NTNG1: variants seen among roughly 807,000 people sequenced by gnomAD.
NTNG1 encodes netrin G1.
NTNG1 carries 16 observed loss-of-function variants against 54.0 expected under a neutral mutation model. The ratio of observed to expected loss-of-function variants is 0.30; its 90% CI spans 0.20 to 0.45. The LOEUF (loss-of-function observed/expected upper bound fraction) is 0.45. Ranked by LOEUF, NTNG1 falls within the 20% of genes least tolerant of loss-of-function variation. NTNG1 has a pLI of 1.00. For missense variants in NTNG1, 530 were observed against 678.7 expected, an observed-to-expected ratio of 0.78 and a Z score of 2.43; for synonymous variants, 255 against 263.1, an observed-to-expected ratio of 0.97 and a Z score of 0.30.
At chr1:107,449,720 T>TAAAA (rs35613778) in intron 7 of NTNG1, among the ~76,000 whole-genome samples, 2 of 145,662 alleles carry the variant, frequency 1.4e-5, no homozygotes, top group African/African-American at 5.0e-5. Context: ...TCTGCTGGAT[T>TAAAA]AAAAAAAAAA....
At chr1:107,268,191 C>T (rs898775144) in intron 2 of NTNG1, among the ~76,000 whole-genome samples, 1 of 152,198 alleles carries the variant, frequency 6.6e-6, no homozygotes, top group Non-Finnish European at 1.5e-5. Context: ...CCACATTTCT[C>T]TACTTCTGTT....
At chr1:107,229,211 A>G (rs1468204782) in intron 2 of NTNG1, among the ~76,000 whole-genome samples, 4 of 151,492 alleles carry the variant, frequency 2.6e-5, no homozygotes, top group African/African-American at 9.7e-5. Flanking sequence ...CCACTTAATA[A>G]CTGATTGCAG....
intron 7 of NTNG1, among the ~76,000 whole-genome samples, chr1:107,449,392 T>C (rs879146803): frequency 6.6e-6 from 1 of 152,004 alleles, no homozygotes; most frequent in Admixed American, 6.6e-5. Flanking sequence ...GAGGATAACA[T>C]GCAGCCAGGA....
At chr1:107,319,070 G>A (rs1667496889) in intron 2 of NTNG1, among the ~76,000 whole-genome samples, 2 of 151,992 alleles carry the variant, frequency 1.3e-5, no homozygotes, top group Non-Finnish European at 2.9e-5. Flanking sequence ...CTTACCTCTG[G>A]TACTGACTTG....
intron 2 of NTNG1, among the ~76,000 whole-genome samples, chr1:107,245,791 G>A (rs1264708945): frequency 1.3e-5 from 2 of 152,094 alleles, no homozygotes; most frequent in Non-Finnish European, 2.9e-5. Context: ...TTAATTAGGT[G>A]TTAATACTAA....
At chr1:107,407,512 A>G (rs1487252700) in intron 4 of NTNG1, among the ~76,000 whole-genome samples, 170 bp from the exon 5 acceptor site, 3 of 142,158 alleles carry the variant, frequency 2.1e-5, no homozygotes, top group African/African-American at 7.6e-5. Flanking sequence ...GTGTGTGTGT[A>G]TAATGTGTAT....
At chr1:107,260,554 C>T (rs1663244468) in intron 2 of NTNG1, among the ~76,000 whole-genome samples, 1 of 152,176 alleles carries the variant, frequency 6.6e-6, no homozygotes, top group Admixed American at 6.5e-5. Flanking sequence ...CGTAGAAGCA[C>T]CTGTCTCTGG....
chr1:107,214,803 CAA>C (rs1659838888), intron 2 of NTNG1, among the ~76,000 whole-genome samples: 1 of 149,060 alleles, frequency 6.7e-6, no homozygotes, highest in Non-Finnish European at 1.5e-5. Context: ...TTTTTTTTTT[CAA>C]TTTTCTGATT....
chr1:107,257,584 C>T (rs1454972401), intron 2 of NTNG1, among the ~76,000 whole-genome samples: 2 of 152,140 alleles, frequency 1.3e-5, no homozygotes, highest in Non-Finnish European at 2.9e-5. Context: ...CTCCAGTCAC[C>T]TGATTTGGAA....
At chr1:107,451,677 A>G (rs1026252227) in intron 7 of NTNG1, among the ~76,000 whole-genome samples, 2 of 152,180 alleles carry the variant, frequency 1.3e-5, no homozygotes, top group African/African-American at 4.8e-5. Flanking sequence ...GAAACAGTGT[A>G]AGAATACCAC....
intron 2 of NTNG1, among the ~76,000 whole-genome samples, chr1:107,185,864 T>C (rs376706236): frequency 0.44 from 4,887 of 11,192 alleles, 250 homozygotes; most frequent in African/African-American, 0.48. Context: ...TGCGACCAAC[T>C]TCTATTTTTT....
chr1:107,408,726 G>C (rs1045387198), intron 5 of NTNG1: 1 of 151,798 alleles, frequency 6.6e-6, no homozygotes, highest in African/African-American at 2.4e-5. Flanking sequence ...GCAAGATTAC[G>C]CATGGTAAGC....
At chr1:107,297,248 C>CTAT (rs1557878514) in intron 2 of NTNG1, among the ~76,000 whole-genome samples, 1 of 63,682 alleles carries the variant, frequency 1.6e-5, no homozygotes, top group African/African-American at 6.5e-5. Flanking sequence ...TATATATATG[C>CTAT]GCACACACAC....
chr1:107,471,751 A>T (rs973373147), intron 7 of NTNG1, among the ~76,000 whole-genome samples: 1 of 152,202 alleles, frequency 6.6e-6, no homozygotes, highest in Non-Finnish European at 1.5e-5. Context: ...ACATGCACAG[A>T]TGCTGTCTTT....
intron 2 of NTNG1, among the ~76,000 whole-genome samples, chr1:107,264,937 G>A (rs1404910583): frequency 6.6e-6 from 1 of 152,166 alleles, no homozygotes; most frequent in African/African-American, 2.4e-5. Context: ...GGGTACAGTG[G>A]GAAGTTTTGC....
chr1:107,309,792 A>C (rs1666896803), intron 2 of NTNG1, among the ~76,000 whole-genome samples: 1 of 152,160 alleles, frequency 6.6e-6, no homozygotes, highest in Non-Finnish European at 1.5e-5. Flanking sequence ...AATCAAACCC[A>C]ACATTTCTAC....
chr1:107,463,454 C>A (rs1284584084), intron 7 of NTNG1, among the ~76,000 whole-genome samples: 1 of 151,278 alleles, frequency 6.6e-6, no homozygotes, highest in Non-Finnish European at 1.5e-5. Context: ...TCTTTACTGG[C>A]TGAATTGTCA....
At chr1:107,268,351 C>T (rs968702598) in intron 2 of NTNG1, among the ~76,000 whole-genome samples, 6 of 152,106 alleles carry the variant, frequency 3.9e-5, no homozygotes, top group South Asian at 2.1e-4. Flanking sequence ...TCTGTATCAC[C>T]GGTTCCAAGG....
chr1:107,224,458 G>A lies in NTNG1; in HGVS notation c.246+75619G>A, dbSNP rs78644343. On this transcript the variant is annotated intron_variant, in intron 2 of 7. Transcript: ENST00000370068. The stretch of plus-strand genomic sequence containing the variant: ...TCTAAGGCTGATGATTTATGATATC[G>A]TCTTTCATGTAATGAGTTTCAGTTT... Among the ~76,000 whole-genome samples, 743 of 152,196 alleles carry A rather than the reference G, an allele frequency of 4.9e-3. 6 individuals are homozygous for A. The highest frequency in any genetic ancestry group is 0.017 in the African/African-American group (703 of 41,554).
Sources: gnomAD v4.1 joint callset for allele counts (sites outside exome capture counted in the v4.1 genomes callset) on GRCh38, gnomAD v4.1.1 for gene constraint, MANE v1.5 for transcripts, NCBI Gene and HGNC (gene_info 2026-07-23, HGNC 2026-07-21) for gene names.